ACTR2: variants seen among roughly 807,000 people sequenced by gnomAD.
The protein encoded by ACTR2 is actin-related protein 2.
Under a neutral mutation model 50.2 loss-of-function variants are expected in ACTR2, and 5 were observed. The observed-to-expected ratio is 0.10, with a 90% CI of 0.05 to 0.21. The LOEUF is 0.21. ACTR2 is among the 10% of genes least tolerant of loss of function. The pLI is 1.00. For missense variants in ACTR2, 180 were observed against 480.6 expected (o/e 0.37, Z 5.85); for synonymous variants, 140 against 162.9 (o/e 0.86, Z 1.07).
intron 7 of ACTR2, among the ~76,000 whole-genome samples, chr2:65,261,736 C>T (rs1672273535): frequency 6.6e-6 from 1 of 152,142 alleles, no homozygotes. Flanking sequence ...GATTTCAGAT[C>T]CTTTGGAGAT....
At chr2:65,255,117 A>G (rs1325495811) in intron 5 of ACTR2, among the ~76,000 whole-genome samples, 1 of 152,214 alleles carries the variant, frequency 6.6e-6, no homozygotes, top group Non-Finnish European at 1.5e-5. Flanking sequence ...TGTGCCAGAC[A>G]CAGTACTAGA....
At chr2:65,266,099 C>G (rs1672368053) in intron 8 of ACTR2, among the ~76,000 whole-genome samples, 1 of 152,166 alleles carries the variant, frequency 6.6e-6, no homozygotes. Flanking sequence ...GCAAACATTT[C>G]TTGAACTCCT....
intron 6 of ACTR2, among the ~76,000 whole-genome samples, chr2:65,259,547 G>A (rs1672223244): frequency 6.6e-6 from 1 of 152,080 alleles, no homozygotes; most frequent in Non-Finnish European, 1.5e-5. Context: ...CAGCCAACAT[G>A]CAGAAACTCT....
At chr2:65,252,066 C>T (rs1399827285) in intron 4 of ACTR2, among the ~76,000 whole-genome samples, 2 of 151,684 alleles carry the variant, frequency 1.3e-5, no homozygotes, top group East Asian at 1.9e-4. Context: ...GGAAATGGGT[C>T]AAGTGTGTTT....
At position 65,227,970 on chromosome 2, in the gene ACTR2, C is replaced by G; in HGVS notation, c.48+13C>G. On this transcript the variant is annotated intron_variant, in intron 1 of 8. Coordinates refer to ENST00000260641, the MANE Select transcript of ACTR2 (RefSeq NM_005722.4). Reference sequence around the variant, plus strand: ...CAACGGCACCGGGGTAAGGGCCGCGCGAGGAGGCCTTGGCGGCCACAGACG... The same window carrying G: ...CAACGGCACCGGGGTAAGGGCCGCGGGAGGAGGCCTTGGCGGCCACAGACG... The G allele has an allele frequency of 6.7e-7, 1 of 1,501,134 alleles. No individual in the cohort carries two copies. Among genetic ancestry groups the G allele is most frequent in the Non-Finnish European group, 8.9e-7 (1 of 1,126,168 alleles). 93.0% of individuals were successfully genotyped at this position (1,501,134 alleles called of 1,614,324 possible). A position where few individuals can be genotyped will look rare whatever the true frequency, so the allele number is the denominator to read the frequency against.
chr2:65,241,537 A>G (rs908687427), intron 2 of ACTR2, among the ~76,000 whole-genome samples: 11 of 152,158 alleles, frequency 7.2e-5, no homozygotes, highest in African/African-American at 2.7e-4. Flanking sequence ...ACTCTGTGCA[A>G]TCTTGTAAGC....
chr2:65,265,194 A>T lies in ACTR2; in HGVS notation c.1014+19A>T. 4 of 1,613,228 alleles carry T rather than the reference A, an allele frequency of 2.5e-6. No homozygotes were observed. The highest frequency in any genetic ancestry group is 3.4e-6 in the Non-Finnish European group (4 of 1,179,128). On this transcript the variant is annotated intron_variant, in intron 8 of 8. Coordinates refer to ENST00000260641, the MANE Select transcript of ACTR2 (RefSeq NM_005722.4). ...ACTTTCTGTAAGTATTAGTAAATCA[A>T]CTATTACTAACATTCTTTTAAAAGG... is the stretch of plus-strand genomic sequence containing the variant.
At chr2:65,239,465 CAAAA>C (rs538436829) in intron 1 of ACTR2, among the ~76,000 whole-genome samples, 1 of 151,952 alleles carries the variant, frequency 6.6e-6, no homozygotes. Context: ...AAAACAAAAA[CAAAA>C]AAAACCTTAG....
intron 6 of ACTR2, among the ~76,000 whole-genome samples, chr2:65,255,980 C>T (rs931201120): frequency 6.6e-6 from 1 of 152,152 alleles, no homozygotes; most frequent in African/African-American, 2.4e-5. Flanking sequence ...TAGCATTTCT[C>T]AATGTATGTT....
chr2:65,252,341 A>G (rs997587939), intron 4 of ACTR2, among the ~76,000 whole-genome samples: 3 of 152,052 alleles, frequency 2.0e-5, no homozygotes, highest in African/African-American at 7.2e-5. Context: ...ATATCCACTT[A>G]AAAAGGAGGT....
intron 7 of ACTR2, 50 bp from the exon 8 acceptor site, chr2:65,264,993 C>G: frequency 6.2e-7 from 1 of 1,606,544 alleles, no homozygotes; most frequent in Non-Finnish European, 8.5e-7. Flanking sequence ...CCCTGAGATA[C>G]CATTTTCCTA....
At chr2:65,263,813 GTGAAT>G (rs1423777521) in intron 7 of ACTR2, among the ~76,000 whole-genome samples, 23 of 72,416 alleles carry the variant, frequency 3.2e-4, no homozygotes, top group Admixed American at 7.3e-4. Context: ...GCTGAGGCCG[GTGAAT>G]CACGAGGCCG....
rs547518715 is a variant in ACTR2, at chr2:65,237,238, A to T, written c.49-2614A>T. On this transcript the variant is annotated intron_variant, in intron 1 of 8. Coordinates refer to ENST00000260641, the MANE Select transcript of ACTR2 (RefSeq NM_005722.4). ...AATTTTTAATTGCCCTTTCCTTGCAATGTCTGCTCTTACTAGACTATGTAT... is the reference window on the plus strand; with the variant it reads ...AATTTTTAATTGCCCTTTCCTTGCATTGTCTGCTCTTACTAGACTATGTAT... Among the ~76,000 whole-genome samples, 28 of 152,120 alleles carry T rather than the reference A, an allele frequency of 1.8e-4. No homozygotes were observed. The East Asian group carries it at 5.2e-3, about 28-fold the overall frequency.
chr2:65,259,428 A>T lies in ACTR2; in HGVS notation c.736-1819A>T, dbSNP rs556220621. Among the ~76,000 whole-genome samples, 49 of 152,038 alleles carry T rather than the reference A, an allele frequency of 3.2e-4. No individual in the cohort carries two copies. In the South Asian group the frequency reaches 4.0e-3, roughly 12 times the overall value. ...CAGATGAAGACCCTATCTCAAAAAA[A>T]ATATATATGTATTGTAGGGCCAGGC... is the stretch of plus-strand genomic sequence containing the variant. On this transcript the variant is annotated intron_variant, in intron 6 of 8. Transcript: ENST00000260641.
At chr2:65,253,539 A>G (rs1395939052) in intron 4 of ACTR2, among the ~76,000 whole-genome samples, 189 bp from the exon 5 acceptor site, 1 of 133,664 alleles carries the variant, frequency 7.5e-6, no homozygotes, top group African/African-American at 2.8e-5. Context: ...ATAGTAGACT[A>G]AAAGTCTTAA....
At chr2:65,257,902 C>T (rs2104013039) in intron 6 of ACTR2, among the ~76,000 whole-genome samples, 1 of 152,298 alleles carries the variant, frequency 6.6e-6, no homozygotes, top group Non-Finnish European at 1.5e-5. Flanking sequence ...TGCCTGTTCA[C>T]TCTGATGATA....
chr2:65,234,610 C>G (rs558228337), intron 1 of ACTR2, among the ~76,000 whole-genome samples: 1 of 152,334 alleles, frequency 6.6e-6, no homozygotes, highest in East Asian at 1.9e-4. Context: ...TTATTTGCCA[C>G]TTTGCCATGT....
chr2:65,238,158 C>T (rs1671773358), intron 1 of ACTR2, among the ~76,000 whole-genome samples: 1 of 151,526 alleles, frequency 6.6e-6, no homozygotes, highest in African/African-American at 2.4e-5. Context: ...ACATACAAGA[C>T]CCCAACTCTA....
intron 1 of ACTR2, among the ~76,000 whole-genome samples, chr2:65,232,429 A>G (rs1220636183): frequency 6.6e-6 from 1 of 152,200 alleles, no homozygotes; most frequent in Non-Finnish European, 1.5e-5. Flanking sequence ...GCTACTTTAT[A>G]TGTTGAATTT....
Sources: allele counts gnomAD v4.1 joint callset (sites outside exome capture counted in the v4.1 genomes callset), GRCh38; gene constraint gnomAD v4.1.1; transcripts MANE v1.5; gene names NCBI Gene and HGNC (gene_info 2026-07-23, HGNC 2026-07-21).